Variants in SPIDR observed in about 807,000 individuals in gnomAD.
SPIDR encodes scaffold protein involved in DNA repair, also known as DNA repair-scaffolding protein.
A neutral mutation model predicts 104.6 loss-of-function variants in SPIDR; 93 were observed. That is an observed-to-expected ratio of 0.89 (90% CI 0.75 to 1.06). SPIDR has a LOEUF of 1.06. Ranked by LOEUF, SPIDR falls within the 50% of genes least tolerant of loss-of-function variation. The pLI is 0.00. For missense variants in SPIDR, 1,154 were observed against 1,111.2 expected, an observed-to-expected ratio of 1.04 and a Z score of -0.55; for synonymous variants, 431 against 416.9, an observed-to-expected ratio of 1.03 and a Z score of -0.41.
intron 10 of SPIDR, among the ~76,000 whole-genome samples, chr8:47,655,432 T>C (rs1263779302): frequency 6.6e-6 from 1 of 152,250 alleles, no homozygotes; most frequent in Non-Finnish European, 1.5e-5. Context: ...TAGTGTGAGA[T>C]GGTATCTCAT....
chr8:47,386,742 T>G (rs1443314750), intron 5 of SPIDR, among the ~76,000 whole-genome samples: 1 of 152,182 alleles, frequency 6.6e-6, no homozygotes, highest in Non-Finnish European at 1.5e-5. Context: ...TATAAATATT[T>G]CAAAACTGGT....
intron 1 of SPIDR, among the ~76,000 whole-genome samples, chr8:47,272,641 C>T (rs1206436766): frequency 1.3e-5 from 2 of 152,108 alleles, no homozygotes; most frequent in Non-Finnish European, 2.9e-5. Flanking sequence ...ATCCAGAGTT[C>T]AGAGGTTAGG....
intron 5 of SPIDR, among the ~76,000 whole-genome samples, chr8:47,334,899 C>T (rs1279854002): frequency 2.0e-5 from 3 of 152,090 alleles, no homozygotes; most frequent in Non-Finnish European, 2.9e-5. Flanking sequence ...ATATCCCTTA[C>T]ACTTCTTTCT....
At chr8:47,517,625 A>AG (rs924947326) in intron 8 of SPIDR, among the ~76,000 whole-genome samples, 1 of 152,234 alleles carries the variant, frequency 6.6e-6, no homozygotes, top group Non-Finnish European at 1.5e-5. Flanking sequence ...TAGTTTTCTC[A>AG]GAAAAAAACA....
chr8:47,373,754 T>C (rs547459570), intron 5 of SPIDR, among the ~76,000 whole-genome samples: 38 of 152,338 alleles, frequency 2.5e-4, no homozygotes, highest in Non-Finnish European at 5.0e-4. Flanking sequence ...TTTGATTGTG[T>C]TGAAATGCAG....
intron 10 of SPIDR, among the ~76,000 whole-genome samples, chr8:47,648,328 A>G (rs541898667): frequency 2.0e-5 from 3 of 152,346 alleles, no homozygotes; most frequent in African/African-American, 7.2e-5. Context: ...GAGGGAGAAC[A>G]GAGTTGGAGA....
chr8:47,606,239 G>T (rs1389745306), intron 10 of SPIDR, among the ~76,000 whole-genome samples: 1 of 152,142 alleles, frequency 6.6e-6, no homozygotes, highest in African/African-American at 2.4e-5. Context: ...AAAGATCCCG[G>T]CTGGGCACAG....
At chr8:47,700,289 T>C in intron 11 of SPIDR, 114 bp from the exon 12 acceptor site, 1 of 1,079,664 alleles carries the variant, frequency 9.3e-7, no homozygotes. Flanking sequence ...ACATCTCGAA[T>C]TGTAGTTCCA....
chr8:47,600,676 T>C (rs1025612383), intron 10 of SPIDR, among the ~76,000 whole-genome samples: 2 of 152,210 alleles, frequency 1.3e-5, no homozygotes, highest in Non-Finnish European at 2.9e-5. Context: ...TATATAGAAT[T>C]TTCCAAGACA....
chr8:47,546,001 A>AT lies in SPIDR; in HGVS notation c.1098-49804dup. ...CTCATCTTTGTTATGATGTATATAT[A>AT]TTTTTTACATATTACTGAATTTTAT... On this transcript the variant is annotated intron_variant, in intron 8 of 19. Transcript: ENST00000297423. Among the ~76,000 whole-genome samples the AT allele has an allele frequency of 2.0e-5, 3 of 152,190 alleles. No individual in the cohort carries two copies. The Middle Eastern group carries it at 0.01, about 518-fold the overall frequency.
chr8:47,559,700 G>A (rs867955431), intron 8 of SPIDR, among the ~76,000 whole-genome samples: 1 of 152,188 alleles, frequency 6.6e-6, no homozygotes, highest in Non-Finnish European at 1.5e-5. Flanking sequence ...AGAACAAGGG[G>A]CAGTAGCATG....
At chr8:47,355,690 A>G (rs1554625369) in intron 5 of SPIDR, among the ~76,000 whole-genome samples, 3 of 152,230 alleles carry the variant, frequency 2.0e-5, no homozygotes, top group African/African-American at 7.2e-5. Context: ...TACTTTAATC[A>G]GAGTCCAGTG....
chr8:47,563,273 G>A (rs935092924), intron 8 of SPIDR, among the ~76,000 whole-genome samples: 3 of 151,910 alleles, frequency 2.0e-5, no homozygotes, highest in Non-Finnish European at 2.9e-5. Flanking sequence ...AGGCTCAAGC[G>A]ATCCTCCTGC....
At chr8:47,687,538 C>T (rs1042221929) in intron 11 of SPIDR, among the ~76,000 whole-genome samples, 3 of 152,122 alleles carry the variant, frequency 2.0e-5, no homozygotes, top group African/African-American at 7.2e-5. Flanking sequence ...ATATTTTAAC[C>T]TTCTTTACTG....
At chr8:47,666,365 C>T (rs1273182144) in intron 10 of SPIDR, among the ~76,000 whole-genome samples, 1 of 152,102 alleles carries the variant, frequency 6.6e-6, no homozygotes, top group Non-Finnish European at 1.5e-5. Flanking sequence ...TGATCTATTC[C>T]TTATTGCTGA....
At chr8:47,693,045 G>T (rs893732843) in intron 11 of SPIDR, among the ~76,000 whole-genome samples, 3 of 152,152 alleles carry the variant, frequency 2.0e-5, no homozygotes, top group Non-Finnish European at 4.4e-5. Context: ...TTCTAATCTT[G>T]TTAGAGTCTT....
intron 8 of SPIDR, among the ~76,000 whole-genome samples, chr8:47,459,913 G>A (rs1193863349): frequency 6.6e-6 from 1 of 152,046 alleles, no homozygotes; most frequent in Non-Finnish European, 1.5e-5. Flanking sequence ...TTCAGGAGCA[G>A]GTTATTTAAT....
rs771611865 is a variant in SPIDR, at chr8:47,599,118, T to C, written c.1466T>C (p.Val489Ala). 2.8e-5 allele frequency: 45 copies of C among 1,611,660 alleles called. No homozygotes were observed. Among genetic ancestry groups the C allele is most frequent in the South Asian group, 2.2e-5 (2 of 90,824 alleles). Reference sequence around the variant, plus strand: ...GGAGTCCGAGTGGTGGTGCAAAGAGTGTATTCTCTTCCCAGCAGAGACAGC... The same window carrying C: ...GGAGTCCGAGTGGTGGTGCAAAGAGCGTATTCTCTTCCCAGCAGAGACAGC... ...GAGVRVVVQR[V>A]YSLPSRDSTR... is the part of the protein sequence containing the mutation. Residue 489 changes from valine (V) to alanine (A), a missense_variant, in exon 10 of 20, where the codon GTG (valine) becomes GCG (alanine). Coordinates refer to ENST00000297423, the MANE Select transcript of SPIDR (RefSeq NM_001080394.4).
intron 10 of SPIDR, among the ~76,000 whole-genome samples, chr8:47,599,495 C>T (rs936647328): frequency 2.0e-5 from 3 of 152,046 alleles, no homozygotes; most frequent in Admixed American, 2.0e-4. Flanking sequence ...CTGGAAAAGC[C>T]AAGACATGTG....
Sources: gnomAD v4.1 joint callset for allele counts (sites outside exome capture counted in the v4.1 genomes callset) on GRCh38, gnomAD v4.1.1 for gene constraint, MANE v1.5 for transcripts, NCBI Gene and HGNC (gene_info 2026-07-23, HGNC 2026-07-21) for gene names.